SLX4IP: variants seen among roughly 807,000 people sequenced by gnomAD.
SLX4IP encodes the protein protein SLX4IP.
A neutral mutation model predicts 32.9 loss-of-function variants in SLX4IP; 34 were observed. The observed-to-expected ratio is 1.03, with a 90% CI of 0.79 to 1.38. The LOEUF is 1.38. Among genes scored for constraint, SLX4IP ranks in the 40% most tolerant of loss-of-function variants. The pLI, the probability that SLX4IP is intolerant of heterozygous loss-of-function variation, is 0.00. For synonymous variants in SLX4IP, 172 were observed against 171.7 expected, an observed-to-expected ratio of 1.00 and a Z score of -0.01; for missense variants, 444 against 479.0, an observed-to-expected ratio of 0.93 and a Z score of 0.68.
At chr20:10,616,386 A>AATGAAAT (rs1338725076) in intron 6 of SLX4IP, among the ~76,000 whole-genome samples, 10 of 111,100 alleles carry the variant, frequency 9.0e-5, no homozygotes, top group African/African-American at 3.7e-4. Flanking sequence ...CCCAAAAAAA[A>AATGAAAT]AAATGAAATA....
intron 2 of SLX4IP, among the ~76,000 whole-genome samples, chr20:10,512,796 A>ATATATATATATATG: frequency 6.0e-5 from 1 of 16,680 alleles, no homozygotes; most frequent in African/African-American, 1.9e-4. Context: ...ATATATATAT[A>ATATATATATATATG]TATATATATA....
intron 4 of SLX4IP, among the ~76,000 whole-genome samples, chr20:10,591,757 C>T (rs2066712230): frequency 6.6e-6 from 1 of 152,164 alleles, no homozygotes; most frequent in Non-Finnish European, 1.5e-5. Context: ...ACACAGTTTT[C>T]ATATTTAATG....
chr20:10,452,320 C>A (rs904578094), intron 1 of SLX4IP, among the ~76,000 whole-genome samples: 2 of 152,070 alleles, frequency 1.3e-5, no homozygotes, highest in African/African-American at 4.8e-5. Context: ...TGCTTGAGCT[C>A]AGGAGATGAA....
intron 2 of SLX4IP, among the ~76,000 whole-genome samples, chr20:10,508,470 G>A (rs1311270638): frequency 6.6e-6 from 1 of 152,212 alleles, no homozygotes; most frequent in African/African-American, 2.4e-5. Flanking sequence ...TGATAGAAAT[G>A]ATCCTGAAGT....
intron 2 of SLX4IP, among the ~76,000 whole-genome samples, chr20:10,547,949 T>C (rs1424025378): frequency 6.6e-6 from 1 of 152,184 alleles, no homozygotes; most frequent in Non-Finnish European, 1.5e-5. Flanking sequence ...GAGGTGCTAG[T>C]CTCAGTGTGA....
At chr20:10,564,703 G>T (rs558253568) in intron 4 of SLX4IP, among the ~76,000 whole-genome samples, 2 of 152,168 alleles carry the variant, frequency 1.3e-5, no homozygotes, top group South Asian at 2.1e-4. Flanking sequence ...TCACAAACTT[G>T]GTCAAAGAAC....
chr20:10,515,836 TG>T (rs938860091), intron 2 of SLX4IP, among the ~76,000 whole-genome samples: 1 of 152,262 alleles, frequency 6.6e-6, no homozygotes, highest in African/African-American at 2.4e-5. Context: ...TCTTTACACC[TG>T]ATTTTGCTGT....
chr20:10,552,068 G>C (rs2066223295), intron 2 of SLX4IP, among the ~76,000 whole-genome samples: 1 of 152,234 alleles, frequency 6.6e-6, no homozygotes, highest in Non-Finnish European at 1.5e-5. Flanking sequence ...GGAGGGTTAG[G>C]GGAAGGGAGG....
intron 2 of SLX4IP, among the ~76,000 whole-genome samples, chr20:10,513,830 G>A (rs1030248046): frequency 6.6e-6 from 1 of 152,218 alleles, no homozygotes; most frequent in African/African-American, 2.4e-5. Context: ...TGGGACACCT[G>A]TGGCTTCTAG....
chr20:10,563,554 C>A (rs998045064), intron 4 of SLX4IP, among the ~76,000 whole-genome samples: 1 of 152,100 alleles, frequency 6.6e-6, no homozygotes, highest in Non-Finnish European at 1.5e-5. Context: ...AAATTCAAGT[C>A]TTTAATTCAT....
chr20:10,450,937 A>G (rs917321519), intron 1 of SLX4IP, among the ~76,000 whole-genome samples: 4 of 152,098 alleles, frequency 2.6e-5, no homozygotes, highest in Admixed American at 2.0e-4. Context: ...GGTTTTTAGT[A>G]GAGACGGGGT....
At chr20:10,438,995 C>A (rs1166677577) in intron 1 of SLX4IP, among the ~76,000 whole-genome samples, 1 of 151,870 alleles carries the variant, frequency 6.6e-6, no homozygotes, top group Non-Finnish European at 1.5e-5. Context: ...ATGAGCCACA[C>A]ACGCCTGGCC....
At position 10,556,339 on chromosome 20, in the gene SLX4IP, C is replaced by CTA. The variant is rs1391559270; in HGVS notation, c.117+21_117+22dup. On this transcript the variant is annotated intron_variant, in intron 3 of 7. Transcript: ENST00000334534. ...GAAAGAGGTACAACAAAACTTTCTA[C>CTA]TATTTAATTGCAAGTAGCTGCTGCT... The CTA allele has an allele frequency of 6.2e-7, 1 of 1,605,142 alleles. No individual in the cohort carries two copies. Among genetic ancestry groups the CTA allele is most frequent in the African/African-American group, 1.3e-5 (1 of 74,646 alleles).
chr20:10,466,874 C>T (rs1020621453), intron 2 of SLX4IP, among the ~76,000 whole-genome samples: 10 of 151,910 alleles, frequency 6.6e-5, no homozygotes, highest in Admixed American at 2.6e-4. Flanking sequence ...AAAGAACTCC[C>T]TGCATCTTTA....
chr20:10,548,325 G>A (rs1205906062), intron 2 of SLX4IP, among the ~76,000 whole-genome samples: 4 of 151,802 alleles, frequency 2.6e-5, no homozygotes, highest in South Asian at 4.2e-4. Flanking sequence ...TGCAAGCTCC[G>A]CCTCCCGGGT....
intron 2 of SLX4IP, among the ~76,000 whole-genome samples, chr20:10,482,452 A>G (rs2065531418): frequency 1.3e-5 from 2 of 152,128 alleles, no homozygotes; most frequent in South Asian, 4.1e-4. Context: ...TCTTCAAGCT[A>G]AGTTTGAGGA....
At chr20:10,442,223 T>C (rs1053741040) in intron 1 of SLX4IP, among the ~76,000 whole-genome samples, 4 of 152,340 alleles carry the variant, frequency 2.6e-5, no homozygotes, top group East Asian at 1.9e-4. Flanking sequence ...CAGAGTGCCT[T>C]AGATTTTCCC....
In SLX4IP at chr20:10,546,908, C is replaced by T. The variant is rs549764223; in HGVS notation, c.28-9323C>T. On this transcript the variant is annotated intron_variant, in intron 2 of 7. Coordinates refer to ENST00000334534, the MANE Select transcript of SLX4IP (RefSeq NM_001009608.3). ...AGAAATGAAATCAGTTCTCATCTTT[C>T]GAAGGGACCCCCAGAGAGCCTATTC... Among the ~76,000 whole-genome samples the T allele has an allele frequency of 4.6e-5, 7 of 152,306 alleles. No individual in the cohort carries two copies. The East Asian group carries it at 5.8e-4, about 13-fold the overall frequency.
chr20:10,562,111 A>G (rs1286764216), intron 4 of SLX4IP, among the ~76,000 whole-genome samples: 2 of 152,090 alleles, frequency 1.3e-5, no homozygotes, highest in African/African-American at 4.8e-5. Flanking sequence ...GTGTGTTACA[A>G]TGTGCTTTTT....
Sources: allele counts gnomAD v4.1 joint callset (sites outside exome capture counted in the v4.1 genomes callset), GRCh38; gene constraint gnomAD v4.1.1; transcripts MANE v1.5; gene names NCBI Gene and HGNC (gene_info 2026-07-23, HGNC 2026-07-21).